PRKG1: variants seen among roughly 807,000 people sequenced by gnomAD.
PRKG1 encodes protein kinase cGMP-dependent 1, also known as cGMP-dependent protein kinase 1.
Under a neutral mutation model 88.1 loss-of-function variants are expected in PRKG1, and 35 were observed. The ratio of observed to expected loss-of-function variants is 0.40; its 90% CI spans 0.30 to 0.53. The LOEUF (loss-of-function observed/expected upper bound fraction) is 0.53. PRKG1 is among the 20% of genes least tolerant of loss of function. PRKG1 has a pLI of 0.59. For missense variants in PRKG1, 540 were observed against 839.8 expected (o/e 0.64, Z 4.41); for synonymous variants, 303 against 292.5 (o/e 1.04, Z -0.37).
chr10:51,234,993 T>C (rs1838945502), intron 2 of PRKG1, among the ~76,000 whole-genome samples: 1 of 152,182 alleles, frequency 6.6e-6, no homozygotes, highest in Admixed American at 6.5e-5. Context: ...GTTTTTGATT[T>C]TCTATTTCCA....
At chr10:51,456,292 G>A (rs1018052565) in intron 2 of PRKG1, among the ~76,000 whole-genome samples, 1 of 152,130 alleles carries the variant, frequency 6.6e-6, no homozygotes, top group Non-Finnish European at 1.5e-5. Flanking sequence ...TGGGAATTGT[G>A]GGAGCTTCAA....
chr10:52,056,509 C>T (rs1349465897), intron 6 of PRKG1, among the ~76,000 whole-genome samples: 3 of 151,966 alleles, frequency 2.0e-5, no homozygotes, highest in Non-Finnish European at 2.9e-5. Context: ...TGCCTTTTTA[C>T]GAGTTTCATA....
At position 52,043,496 on chromosome 10, in the gene PRKG1, T is replaced by C. The variant is rs145791197; in HGVS notation, c.763-10988T>C. On this transcript the variant is annotated intron_variant, in intron 5 of 17. Transcript: ENST00000373980. ...CATACTGCATGATCTCACTTATATG[T>C]GAAATGTAAAATTTTGTTTCATAAA... Among the ~76,000 whole-genome samples the C allele has an allele frequency of 5.5e-3, 834 of 152,172 alleles. 7 individuals carry two copies. The highest frequency in any genetic ancestry group is 0.024 in the Middle Eastern group (7 of 294).
chr10:52,218,320 G>C (rs1416065351), intron 9 of PRKG1, among the ~76,000 whole-genome samples: 1 of 151,896 alleles, frequency 6.6e-6, no homozygotes, highest in Non-Finnish European at 1.5e-5. Flanking sequence ...CATCAAAGGG[G>C]CTGCTCTTTT....
intron 8 of PRKG1, among the ~76,000 whole-genome samples, chr10:52,141,745 T>C (rs1191375484): frequency 6.6e-6 from 1 of 152,098 alleles, no homozygotes; most frequent in Non-Finnish European, 1.5e-5. Context: ...TAAGAAATTA[T>C]TGTTAAAAAA....
chr10:51,743,073 G>A (rs1480019196), intron 3 of PRKG1, among the ~76,000 whole-genome samples: 2 of 151,850 alleles, frequency 1.3e-5, no homozygotes, highest in Non-Finnish European at 2.9e-5. Context: ...AGAGAGAAAG[G>A]AAGGATACAC....
At chr10:51,498,597 G>A (rs1427144954) in intron 3 of PRKG1, among the ~76,000 whole-genome samples, 2 of 152,122 alleles carry the variant, frequency 1.3e-5, no homozygotes, top group Non-Finnish European at 2.9e-5. Flanking sequence ...AATTTTCTCT[G>A]TCAATTATGA....
At chr10:51,486,226 C>A (rs1589007382) in intron 3 of PRKG1, among the ~76,000 whole-genome samples, 1 of 152,156 alleles carries the variant, frequency 6.6e-6, no homozygotes, top group Non-Finnish European at 1.5e-5. Context: ...TGTCCCCTTT[C>A]ACTGATACCT....
chr10:51,524,489 A>G (rs1185276358), intron 3 of PRKG1, among the ~76,000 whole-genome samples: 2 of 152,238 alleles, frequency 1.3e-5, no homozygotes, highest in African/African-American at 2.4e-5. Flanking sequence ...AATAAAAGTG[A>G]AATTTCAATT....
chr10:51,872,609 A>T (rs541327523), intron 4 of PRKG1, among the ~76,000 whole-genome samples: 7 of 152,146 alleles, frequency 4.6e-5, no homozygotes, highest in Non-Finnish European at 1.0e-4. Context: ...TCATTAAATA[A>T]CTATATAGTT....
intron 3 of PRKG1, among the ~76,000 whole-genome samples, chr10:51,593,176 C>T (rs1211367221): frequency 1.3e-5 from 2 of 152,114 alleles, no homozygotes; most frequent in Non-Finnish European, 2.9e-5. Flanking sequence ...TTCTATTTTG[C>T]TTTTGCAGTA....
intron 3 of PRKG1, among the ~76,000 whole-genome samples, chr10:51,618,633 T>C (rs932028396): frequency 6.6e-6 from 1 of 152,164 alleles, no homozygotes; most frequent in Non-Finnish European, 1.5e-5. Context: ...CATAAGAAAG[T>C]CTGGACTTAA....
intron 5 of PRKG1, among the ~76,000 whole-genome samples, chr10:51,947,434 G>A (rs1007012263): frequency 5.2e-4 from 79 of 152,170 alleles, no homozygotes; most frequent in African/African-American, 1.5e-3. Flanking sequence ...GCAATGCCTC[G>A]CCCTGCTTCG....
At chr10:51,473,930 A>T (rs754147050) in intron 3 of PRKG1, among the ~76,000 whole-genome samples, 1 of 152,028 alleles carries the variant, frequency 6.6e-6, no homozygotes, top group South Asian at 2.1e-4. Flanking sequence ...GTATTTATTC[A>T]ACTGATTTGA....
At chr10:51,450,298 G>A (rs1020819238) in intron 2 of PRKG1, among the ~76,000 whole-genome samples, 4 of 151,926 alleles carry the variant, frequency 2.6e-5, no homozygotes, top group African/African-American at 9.7e-5. Flanking sequence ...CATTTAAGAA[G>A]TATATCTAGT....
intron 1 of PRKG1, among the ~76,000 whole-genome samples, chr10:51,032,904 T>C (rs971528621): frequency 1.3e-5 from 2 of 152,146 alleles, no homozygotes; most frequent in African/African-American, 4.8e-5. Flanking sequence ...ATTTTGGGGG[T>C]ACATGAGATG....
intron 3 of PRKG1, among the ~76,000 whole-genome samples, chr10:51,759,803 T>C (rs1837971573): frequency 6.6e-6 from 1 of 152,118 alleles, no homozygotes; most frequent in African/African-American, 2.4e-5. Context: ...TGTGTGTGTG[T>C]ATAATAAATG....
chr10:52,267,443 A>G (rs1185018772), intron 10 of PRKG1, among the ~76,000 whole-genome samples: 1 of 152,064 alleles, frequency 6.6e-6, no homozygotes, highest in African/African-American at 2.4e-5. Context: ...AGAGACTTGC[A>G]AGTTTTTTCA....
At chr10:52,109,541 C>T (rs1847505543) in intron 7 of PRKG1, among the ~76,000 whole-genome samples, 1 of 152,024 alleles carries the variant, frequency 6.6e-6, no homozygotes, top group African/African-American at 2.4e-5. Context: ...CCGAGGTGGG[C>T]AGATCACCTG....
Sources: gnomAD v4.1 joint callset for allele counts (sites outside exome capture counted in the v4.1 genomes callset) on GRCh38, gnomAD v4.1.1 for gene constraint, MANE v1.5 for transcripts, NCBI Gene and HGNC (gene_info 2026-07-23, HGNC 2026-07-21) for gene names.